The following FCHSD2 variants were observed in gnomAD, a reference collection of about 807,000 sequenced individuals.
The protein encoded by FCHSD2 is FCH and double SH3 domains 2.
A neutral mutation model predicts 108.1 loss-of-function variants in FCHSD2; 38 were observed. The observed-to-expected ratio is 0.35, with a 90% confidence interval of 0.27 to 0.46. The LOEUF (loss-of-function observed/expected upper bound fraction) is 0.46. Among genes scored for constraint, FCHSD2 ranks in the 20% least tolerant of loss-of-function variants. The pLI, the probability that FCHSD2 is intolerant of heterozygous loss-of-function variation, is 1.00. For synonymous variants in FCHSD2, 279 were observed against 314.7 expected, an observed-to-expected ratio of 0.89 and a Z score of 1.20; for missense variants, 751 against 897.8, an observed-to-expected ratio of 0.84 and a Z score of 2.09.
At chr11:72,841,003 A>G (rs754914153) in intron 18 of FCHSD2, 44 bp from the exon 19 acceptor site, 3 of 1,443,488 alleles carry the variant, frequency 2.1e-6, no homozygotes, top group Non-Finnish European at 2.9e-6. Context: ...TGAGTTGTTG[A>G]GCAATAATGC....
intron 8 of FCHSD2, among the ~76,000 whole-genome samples, chr11:72,973,781 A>C (rs1040937973): frequency 6.6e-6 from 1 of 152,260 alleles, no homozygotes; most frequent in Non-Finnish European, 1.5e-5. Flanking sequence ...GGGCAAACTA[A>C]GGCCTGTAGG....
At chr11:73,007,647 A>C (rs1290021248) in intron 4 of FCHSD2, among the ~76,000 whole-genome samples, 1 of 152,198 alleles carries the variant, frequency 6.6e-6, no homozygotes, top group Non-Finnish European at 1.5e-5. Context: ...AAGAGAAAGG[A>C]AAAGAAAAGA....
At chr11:73,056,694 A>G (rs1295586231) in intron 3 of FCHSD2, among the ~76,000 whole-genome samples, 7 of 152,332 alleles carry the variant, frequency 4.6e-5, no homozygotes, top group African/African-American at 1.7e-4. Flanking sequence ...ATAACAGAAC[A>G]ATAAGTCATA....
At chr11:72,973,738 A>G (rs1857052337) in intron 8 of FCHSD2, among the ~76,000 whole-genome samples, 1 of 152,244 alleles carries the variant, frequency 6.6e-6, no homozygotes, top group African/African-American at 2.4e-5. Flanking sequence ...TAGAACATTC[A>G]TAACACAGTT....
intron 8 of FCHSD2, among the ~76,000 whole-genome samples, chr11:72,955,333 T>C (rs990336626): frequency 1.3e-5 from 2 of 152,204 alleles, no homozygotes; most frequent in Non-Finnish European, 2.9e-5. Context: ...AACAGCCAGA[T>C]AGAAGAAATG....
At chr11:72,947,533 T>C (rs1856542302) in intron 8 of FCHSD2, among the ~76,000 whole-genome samples, 1 of 152,154 alleles carries the variant, frequency 6.6e-6, no homozygotes, top group African/African-American at 2.4e-5. Context: ...TCAACCAGAG[T>C]CACTGAGTCT....
At chr11:72,888,179 G>C (rs1855238152) in intron 11 of FCHSD2, among the ~76,000 whole-genome samples, 1 of 152,138 alleles carries the variant, frequency 6.6e-6, no homozygotes, top group African/African-American at 2.4e-5. Flanking sequence ...TGGAGAAAGA[G>C]GAACCCATGA....
Position 72,985,086 on chromosome 11 carries a change from G to C in FCHSD2, c.552C>G (p.Ile184Met), listed in dbSNP as rs1378496269. Residue 184 changes from isoleucine (I) to methionine (M), a missense_variant, in exon 7 of 20, where the codon ATC becomes ATG. Ile to Met is a conservative substitution (Grantham distance 10, BLOSUM62 1). Coordinates refer to ENST00000409418, the MANE Select transcript of FCHSD2 (RefSeq NM_014824.3). ...CCTTTACACTTGCCTTCTGTAAACT[G>C]ATTCTTGATTGAAAAAGACTAAGTT... ...KSKLSLFQSR[I>M]SLQKASVKLK... 7.9e-7 allele frequency: 1 copy of C among 1,266,888 alleles called. No individual in the cohort carries two copies. The allele number at this position is 1,266,888 out of a possible 1,614,324, so 78.5% of individuals were successfully genotyped here.
At chr11:73,048,044 T>G (rs1858808862) in intron 3 of FCHSD2, among the ~76,000 whole-genome samples, 2 of 151,752 alleles carry the variant, frequency 1.3e-5, no homozygotes, top group South Asian at 4.2e-4. Flanking sequence ...TGTGAAAACA[T>G]GAGTTATTTC....
chr11:73,111,175 T>C (rs1860475568), intron 2 of FCHSD2, among the ~76,000 whole-genome samples: 1 of 152,322 alleles, frequency 6.6e-6, no homozygotes, highest in Middle Eastern at 3.4e-3. Flanking sequence ...GTTCTGTAAC[T>C]ACCAGGTCCA....
chr11:73,125,790 G>A (rs1429279193), intron 2 of FCHSD2, among the ~76,000 whole-genome samples: 1 of 145,136 alleles, frequency 6.9e-6, no homozygotes, highest in Non-Finnish European at 1.5e-5. Flanking sequence ...AAAGAAAAAA[G>A]AAAGAAAGAA....
chr11:73,037,815 T>C (rs1858535049), intron 3 of FCHSD2, among the ~76,000 whole-genome samples: 2 of 152,210 alleles, frequency 1.3e-5, no homozygotes, highest in African/African-American at 4.8e-5. Flanking sequence ...ATCACACTTG[T>C]TATGCATAGA....
At chr11:72,984,264 G>A in intron 7 of FCHSD2, 48 bp from the exon 8 acceptor site, 1 of 1,579,232 alleles carries the variant, frequency 6.3e-7, no homozygotes, top group Non-Finnish European at 8.7e-7. Context: ...ATATTGTACT[G>A]CAAAACACAT....
intron 9 of FCHSD2, among the ~76,000 whole-genome samples, chr11:72,906,276 GT>G (rs915100752): frequency 1.3e-5 from 2 of 152,070 alleles, no homozygotes; most frequent in Non-Finnish European, 2.9e-5. Context: ...TGATGGCGTT[GT>G]TTTTTTCTTG....
At chr11:73,097,384 A>AT (rs201818849) in intron 2 of FCHSD2, among the ~76,000 whole-genome samples, 2,330 of 135,670 alleles carry the variant, frequency 0.017, 39 homozygotes, top group African/African-American at 0.053. Context: ...TTATTTATTT[A>AT]TTTTTTTTTT....
chr11:72,842,367 T>C (rs369303085), intron 17 of FCHSD2, among the ~76,000 whole-genome samples: 7 of 152,234 alleles, frequency 4.6e-5, no homozygotes, highest in South Asian at 2.1e-4. Flanking sequence ...TCACATATAA[T>C]TTGGCATTTT....
chr11:72,850,173 G>A (rs1388718276), intron 13 of FCHSD2, among the ~76,000 whole-genome samples: 6 of 146,594 alleles, frequency 4.1e-5, no homozygotes, highest in South Asian at 2.2e-4. Flanking sequence ...AAGAATTCTC[G>A]TGCCTCAGTC....
chr11:73,058,841 T>G (rs185203016), intron 3 of FCHSD2, among the ~76,000 whole-genome samples: 3 of 152,310 alleles, frequency 2.0e-5, no homozygotes, highest in Admixed American at 1.3e-4. Flanking sequence ...GTGCTGGGAT[T>G]ACACGTGTGA....
chr11:72,968,323 T>C (rs1856951134), intron 8 of FCHSD2, among the ~76,000 whole-genome samples: 1 of 152,210 alleles, frequency 6.6e-6, no homozygotes, highest in Non-Finnish European at 1.5e-5. Context: ...TTTGAAACTA[T>C]AATTTATCAT....
Sources: gnomAD v4.1 joint callset for allele counts (sites outside exome capture counted in the v4.1 genomes callset) on GRCh38, gnomAD v4.1.1 for gene constraint, MANE v1.5 for transcripts, NCBI Gene and HGNC (gene_info 2026-07-23, HGNC 2026-07-21) for gene names.